The following HS6ST3 variants were observed in gnomAD, a reference collection of about 807,000 sequenced individuals.
HS6ST3 encodes heparan sulfate 6-O-sulfotransferase 3, also known as heparan-sulfate 6-O-sulfotransferase 3.
In HS6ST3, 12 loss-of-function variants were observed where a neutral mutation model predicts 36.7. The ratio of observed to expected loss-of-function variants is 0.33; its 90% CI spans 0.21 to 0.53. The LOEUF (loss-of-function observed/expected upper bound fraction) is 0.53. Ranked by LOEUF, HS6ST3 falls within the 20% of genes least tolerant of loss-of-function variation. The pLI, the probability that HS6ST3 is intolerant of heterozygous loss-of-function variation, is 0.95. For missense variants in HS6ST3, 584 were observed against 640.9 expected, an observed-to-expected ratio of 0.91 and a Z score of 0.96; for synonymous variants, 240 against 257.5, an observed-to-expected ratio of 0.93 and a Z score of 0.65.
intron 1 of HS6ST3, among the ~76,000 whole-genome samples, chr13:96,331,619 T>C (rs2055068363): frequency 6.6e-6 from 1 of 152,188 alleles, no homozygotes; most frequent in African/African-American, 2.4e-5. Flanking sequence ...CTGCAGAGGT[T>C]ACTGCTGTCT....
intron 1 of HS6ST3, among the ~76,000 whole-genome samples, chr13:96,743,074 T>G (rs1876481130): frequency 6.6e-6 from 1 of 152,116 alleles, no homozygotes; most frequent in Admixed American, 6.6e-5. Context: ...ATGTTAGTAC[T>G]TATTTTTCAT....
chr13:96,230,177 G>A lies in HS6ST3; in HGVS notation c.707+138608G>A, dbSNP rs114171847. ...GAGTTGTTGAAGGACCCTGAGAAGAGTAGTGATATACTCATTTTTGTCTTT... is the reference window on the plus strand; with the variant it reads ...GAGTTGTTGAAGGACCCTGAGAAGAATAGTGATATACTCATTTTTGTCTTT... On this transcript the variant is annotated intron_variant, in intron 1 of 1. Transcript: ENST00000376705. Among the ~76,000 whole-genome samples, 327 of 152,252 alleles carry A rather than the reference G, an allele frequency of 2.1e-3. 1 individual carries two copies. Among genetic ancestry groups the A allele is most frequent in the African/African-American group, 7.4e-3 (306 of 41,542 alleles).
chr13:96,751,171 A>G (rs1185630476), intron 1 of HS6ST3, among the ~76,000 whole-genome samples: 2 of 152,212 alleles, frequency 1.3e-5, no homozygotes, highest in Admixed American at 6.5e-5. Flanking sequence ...TCCTCCCAGA[A>G]TATGTCCACT....
intron 1 of HS6ST3, among the ~76,000 whole-genome samples, chr13:96,829,665 C>CT (rs1878730196): frequency 6.6e-6 from 1 of 152,132 alleles, no homozygotes; most frequent in Admixed American, 6.5e-5. Flanking sequence ...TGATCTCATT[C>CT]TTTTTTATGG....
At chr13:96,415,764 G>A (rs1360121296) in intron 1 of HS6ST3, among the ~76,000 whole-genome samples, 2 of 152,132 alleles carry the variant, frequency 1.3e-5, no homozygotes, top group African/African-American at 4.8e-5. Context: ...GAACAGGTGG[G>A]TACACCAATA....
intron 1 of HS6ST3, among the ~76,000 whole-genome samples, chr13:96,163,605 A>G (rs1201788250): frequency 6.6e-6 from 1 of 152,310 alleles, no homozygotes; most frequent in Middle Eastern, 3.4e-3. Context: ...ATGTTGAACT[A>G]TAGTGCTCTG....
chr13:96,511,222 C>T (rs766387593), intron 1 of HS6ST3, among the ~76,000 whole-genome samples: 4 of 152,080 alleles, frequency 2.6e-5, no homozygotes, highest in African/African-American at 4.8e-5. Flanking sequence ...GAGATGGACA[C>T]GCTTTACATA....
chr13:96,513,206 T>A (rs2056057957), intron 1 of HS6ST3, among the ~76,000 whole-genome samples: 1 of 152,080 alleles, frequency 6.6e-6, no homozygotes, highest in Non-Finnish European at 1.5e-5. Flanking sequence ...GTTATCTCTC[T>A]CCTTATCCTT....
intron 1 of HS6ST3, among the ~76,000 whole-genome samples, chr13:96,188,725 G>C (rs879592851): frequency 2.0e-5 from 3 of 151,974 alleles, no homozygotes; most frequent in Non-Finnish European, 4.4e-5. Context: ...TTTGAATTTT[G>C]TTTGTCATTA....
At chr13:96,139,471 TA>T (rs1304993225) in intron 1 of HS6ST3, among the ~76,000 whole-genome samples, 31 of 136,616 alleles carry the variant, frequency 2.3e-4, no homozygotes, top group African/African-American at 7.7e-4. Flanking sequence ...TTTAATGAAT[TA>T]AGGATGAGCT....
chr13:96,672,964 C>T (rs1318233051), intron 1 of HS6ST3, among the ~76,000 whole-genome samples: 2 of 152,142 alleles, frequency 1.3e-5, no homozygotes, highest in South Asian at 2.1e-4. Flanking sequence ...TTTGTTGTCT[C>T]ATAGTTCTGG....
chr13:96,799,950 A>ATG (rs1323748233), intron 1 of HS6ST3, among the ~76,000 whole-genome samples: 5 of 85,694 alleles, frequency 5.8e-5, no homozygotes, highest in Non-Finnish European at 4.4e-5. Context: ...GTGTGTATAT[A>ATG]TATATATATA....
intron 1 of HS6ST3, among the ~76,000 whole-genome samples, chr13:96,796,413 G>A (rs1877912895): frequency 6.6e-6 from 1 of 152,066 alleles, no homozygotes; most frequent in Non-Finnish European, 1.5e-5. Flanking sequence ...TGAACATGTA[G>A]ACTTCTAAAG....
At position 96,836,815 on chromosome 13, in the gene HS6ST3, CTT is replaced by C. The variant is rs1878937958; in HGVS notation, c.*3618_*3619del. The stretch of plus-strand genomic sequence containing the variant: ...GACTTAACATGGAAGCTATTTCTCT[CTT>C]ACTTAAAGGCAAACTGGTTTTACAG... On this transcript the variant is annotated 3_prime_UTR_variant, in exon 2 of 2. Coordinates refer to ENST00000376705, the MANE Select transcript of HS6ST3 (RefSeq NM_153456.4). 6.6e-6 allele frequency: 1 copy of C among 152,220 alleles called. No homozygotes were observed. The highest frequency in any genetic ancestry group is 6.5e-5 in the Admixed American group (1 of 15,290). The allele number at this position is 152,220 out of a possible 1,614,324, so 9.4% of individuals were successfully genotyped here.
chr13:96,596,401 T>C (rs1049125188), intron 1 of HS6ST3, among the ~76,000 whole-genome samples: 4 of 152,220 alleles, frequency 2.6e-5, no homozygotes, highest in African/African-American at 9.6e-5. Flanking sequence ...TTTGAAATTG[T>C]AAATTGTGCT....
At chr13:96,673,669 T>A (rs1260591049) in intron 1 of HS6ST3, among the ~76,000 whole-genome samples, 1 of 152,112 alleles carries the variant, frequency 6.6e-6, no homozygotes, top group East Asian at 1.9e-4. Flanking sequence ...TTCACTTAAA[T>A]CTTCTGTTGT....
chr13:96,376,106 G>A (rs1432825043), intron 1 of HS6ST3, among the ~76,000 whole-genome samples: 8 of 152,144 alleles, frequency 5.3e-5, no homozygotes, highest in African/African-American at 1.7e-4. Flanking sequence ...AATAGATGCT[G>A]TGACTCCAGT....
intron 1 of HS6ST3, among the ~76,000 whole-genome samples, chr13:96,363,354 A>G (rs970420655): frequency 2.0e-5 from 3 of 152,014 alleles, no homozygotes; most frequent in Non-Finnish European, 4.4e-5. Context: ...TTTAAAGCAA[A>G]GAAGTTGACC....
chr13:96,708,301 A>G (rs1875477531), intron 1 of HS6ST3, among the ~76,000 whole-genome samples: 1 of 152,192 alleles, frequency 6.6e-6, no homozygotes, highest in Non-Finnish European at 1.5e-5. Context: ...TTTCTGAAAA[A>G]CATGAGATCA....
Sources: gnomAD v4.1 joint callset for allele counts (sites outside exome capture counted in the v4.1 genomes callset) on GRCh38, gnomAD v4.1.1 for gene constraint, MANE v1.5 for transcripts, NCBI Gene and HGNC (gene_info 2026-07-23, HGNC 2026-07-21) for gene names.